The following FRYL variants were observed in gnomAD, a reference collection of about 807,000 sequenced individuals.
The protein encoded by FRYL is protein furry homolog-like.
In FRYL, 150 loss-of-function variants were observed where a neutral mutation model predicts 351.2. That is an observed-to-expected ratio of 0.43 (90% confidence interval 0.37 to 0.49). FRYL has a LOEUF of 0.49. FRYL is among the 20% of genes least tolerant of loss of function. The probability of loss-of-function intolerance (pLI) is 0.00; values close to 1 mark genes in which losing one functional copy is unlikely to be tolerated. For missense variants in FRYL, 3,036 were observed against 3,619.3 expected (o/e 0.84, Z 4.13); for synonymous variants, 1,153 against 1,257.1 (o/e 0.92, Z 1.75).
intron 22 of FRYL, chr4:48,580,644 T>C (rs1377599588): frequency 4.9e-6 from 2 of 405,920 alleles, no homozygotes; most frequent in Non-Finnish European, 8.7e-6. Flanking sequence ...TTTACAAACA[T>C]AAAATAATTT....
intron 9 of FRYL, among the ~76,000 whole-genome samples, chr4:48,607,339 G>A (rs1282070233): frequency 6.6e-6 from 1 of 152,088 alleles, no homozygotes; most frequent in Non-Finnish European, 1.5e-5. Context: ...ACTGACTACA[G>A]TGAGAAGAAC....
At chr4:48,617,844 G>T (rs1749858207) in intron 7 of FRYL, 1 of 152,274 alleles carries the variant, frequency 6.6e-6, no homozygotes, top group Non-Finnish European at 1.5e-5. Flanking sequence ...AGGCACAATG[G>T]GGCCAGGTCA....
chr4:48,762,928 A>C (rs1774556364), intron 1 of FRYL, among the ~76,000 whole-genome samples: 1 of 152,166 alleles, frequency 6.6e-6, no homozygotes, highest in Non-Finnish European at 1.5e-5. Flanking sequence ...GACTTCTGGC[A>C]TAAAAGCATG....
chr4:48,706,035 C>T (rs1767304983), intron 2 of FRYL, among the ~76,000 whole-genome samples: 1 of 152,162 alleles, frequency 6.6e-6, no homozygotes, highest in Non-Finnish European at 1.5e-5. Context: ...CAGGGTTTCA[C>T]CATGTTGGAC....
Position 48,528,022 on chromosome 4 carries a change from C to G in FRYL, c.7089G>C (p.Met2363Ile), listed in dbSNP as rs749270967. 11 of 1,580,540 alleles carry G rather than the reference C, an allele frequency of 7.0e-6. No individual in the cohort carries two copies. The highest frequency in any genetic ancestry group is 9.4e-6 in the Non-Finnish European group (11 of 1,170,430). ...CTGGACCACAGAGAGAAAGCACATTCATTAGCTTTTCTCTTGTTCTTCGCT... is the reference window on the plus strand; with the variant it reads ...CTGGACCACAGAGAGAAAGCACATTGATTAGCTTTTCTCTTGTTCTTCGCT... ...LSQRRTREKL[M>I]NVLSLCGPES... The change falls in exon 52 of 64, where the codon ATG (methionine) becomes ATC (isoleucine). Residue 2363 changes from methionine to isoleucine, a missense_variant. By Grantham distance (10) the Met-to-Ile change is conservative (BLOSUM62 1). Around this residue, in one of 7 missense-constraint regions of FRYL, gnomAD observed 1,987 missense variants for 2,311.7 expected, o/e 0.86. Coordinates refer to ENST00000358350, the MANE Select transcript of FRYL (RefSeq NM_015030.2).
At chr4:48,554,255 C>T (rs562074927) in intron 35 of FRYL, among the ~76,000 whole-genome samples, 5 of 152,190 alleles carry the variant, frequency 3.3e-5, no homozygotes, top group South Asian at 4.1e-4. Context: ...CAGAATGATT[C>T]GTATTTTTAC....
At chr4:48,517,980 C>A (rs1724015396) in intron 55 of FRYL, among the ~76,000 whole-genome samples, 1 of 152,122 alleles carries the variant, frequency 6.6e-6, no homozygotes, top group Non-Finnish European at 1.5e-5. Flanking sequence ...AATTTTGGGT[C>A]ATTTGACACT....
At chr4:48,686,503 C>G (rs1399118500) in intron 2 of FRYL, among the ~76,000 whole-genome samples, 1 of 152,068 alleles carries the variant, frequency 6.6e-6, no homozygotes, top group Non-Finnish European at 1.5e-5. Flanking sequence ...ATTTCTCCCT[C>G]AAACCTAAAA....
At chr4:48,621,549 T>C (rs938313837) in intron 5 of FRYL, among the ~76,000 whole-genome samples, 2 of 152,208 alleles carry the variant, frequency 1.3e-5, no homozygotes, top group African/African-American at 2.4e-5. Context: ...CAAAAATTTC[T>C]GTATGTGATT....
intron 1 of FRYL, among the ~76,000 whole-genome samples, chr4:48,778,231 T>C (rs969015883): frequency 1.3e-5 from 2 of 152,186 alleles, no homozygotes; most frequent in African/African-American, 2.4e-5. Flanking sequence ...AGTTTCTCTA[T>C]TGTTACTGCT....
intron 18 of FRYL, 109 bp from the exon 19 acceptor site, chr4:48,586,837 T>C (rs1742196688): frequency 1.5e-6 from 1 of 652,906 alleles, no homozygotes; most frequent in Non-Finnish European, 2.6e-6. Context: ...TAAAGTTCAA[T>C]GTATTTAATA....
rs1454524104 is a variant in FRYL at position 48,705,163 on chromosome 4, C to T, written c.-204+5356G>A. ...CATTCTCATTTACCCTTTGGCCCTG[C>T]AATTCCACTTCTAAGAACCTGCCCC... is the stretch of plus-strand genomic sequence containing the variant. On this transcript the variant is annotated intron_variant, in intron 2 of 63. Transcript: ENST00000358350. 2.0e-5 allele frequency among the ~76,000 whole-genome samples: 3 copies of T among 151,912 alleles called. No homozygotes were observed. In the East Asian group the frequency reaches 5.8e-4, roughly 29 times the overall value.
Position 48,521,504 on chromosome 4 carries a change from T to G in FRYL, c.7522-289A>C, listed in dbSNP as rs1449717953. ...GTTAACCTTGAGCTGAAATTCATAT[T>G]GGAGCTGAATTCATATTCATTCATG... On this transcript the variant is annotated intron_variant, in intron 54 of 63. Coordinates refer to ENST00000358350, the MANE Select transcript of FRYL (RefSeq NM_015030.2). Among the ~76,000 whole-genome samples, 3 of 152,222 alleles carry G rather than the reference T, an allele frequency of 2.0e-5. No homozygotes were observed. In the East Asian group the frequency reaches 5.8e-4, roughly 29 times the overall value.
At chr4:48,516,471 T>C (rs1312124488) in intron 55 of FRYL, among the ~76,000 whole-genome samples, 1 of 152,228 alleles carries the variant, frequency 6.6e-6, no homozygotes, top group Admixed American at 6.5e-5. Flanking sequence ...CTAATGGTCA[T>C]AGTTCTAGGA....
intron 7 of FRYL, 92 bp downstream of exon 7, chr4:48,619,182 T>C: frequency 1.2e-6 from 1 of 826,050 alleles, no homozygotes; most frequent in Non-Finnish European, 2.0e-6. Flanking sequence ...TGGGCTAAAA[T>C]TCTAGACACA....
At chr4:48,728,849 G>T (rs1770379797) in intron 1 of FRYL, among the ~76,000 whole-genome samples, 1 of 152,194 alleles carries the variant, frequency 6.6e-6, no homozygotes. Context: ...GAGGTACCTG[G>T]TACATCTCAC....
intron 3 of FRYL, among the ~76,000 whole-genome samples, chr4:48,675,172 C>T (rs557564031): frequency 7.2e-5 from 11 of 152,328 alleles, no homozygotes; most frequent in Admixed American, 5.9e-4. Context: ...GAGGTGACAG[C>T]GCGCTGGCAG....
At chr4:48,711,570 A>C (rs1768045266) in intron 1 of FRYL, among the ~76,000 whole-genome samples, 1 of 152,262 alleles carries the variant, frequency 6.6e-6, no homozygotes, top group African/African-American at 2.4e-5. Context: ...GGAAGCTCGA[A>C]CTGGGTGGAG....
intron 3 of FRYL, among the ~76,000 whole-genome samples, chr4:48,672,926 C>T (rs17575937): frequency 0.042 from 6,391 of 152,280 alleles, 183 homozygotes; most frequent in Middle Eastern, 0.1. Flanking sequence ...CTAATCTGGA[C>T]TTAACACAAG....
Sources: gnomAD v4.1 joint callset for allele counts (sites outside exome capture counted in the v4.1 genomes callset) on GRCh38, gnomAD v4.1.1 for gene constraint, gnomAD v4.1.1 regional missense constraint, MANE v1.5 for transcripts, NCBI Gene and HGNC (gene_info 2026-07-23, HGNC 2026-07-21) for gene names.